Variants in KIF11 observed in about 807,000 individuals in gnomAD.
KIF11 encodes the protein kinesin-like protein KIF11.
KIF11 carries 9 observed loss-of-function variants against 121.0 expected under a neutral mutation model. That is an observed-to-expected ratio of 0.07 (90% CI 0.04 to 0.13). The LOEUF (loss-of-function observed/expected upper bound fraction) is 0.13. Among genes scored for constraint, KIF11 ranks in the 10% least tolerant of loss-of-function variants. The pLI, the probability that KIF11 is intolerant of heterozygous loss-of-function variation, is 1.00. For missense variants in KIF11, 846 were observed against 1,217.5 expected (o/e 0.69, Z 4.54); for synonymous variants, 408 against 421.0 (o/e 0.97, Z 0.38).
intron 17 of KIF11, 51 bp from the exon 18 acceptor site, chr10:92,645,312 C>T: frequency 7.3e-7 from 1 of 1,368,904 alleles, no homozygotes; most frequent in African/African-American, 1.4e-5. Flanking sequence ...AGTTATATAT[C>T]CTTTGAGTCT....
At position 92,649,942 on chromosome 10, in the gene KIF11, A is replaced by G. The variant is rs758447612; in HGVS notation, c.2878A>G (p.Met960Val). 19 of 1,613,454 alleles carry G rather than the reference A, an allele frequency of 1.2e-5. No individual in the cohort carries two copies. The South Asian group carries it at 2.1e-4, about 18-fold the overall frequency. The change falls in exon 20 of 22, where the codon ATG (methionine) becomes GTG (valine). Residue 960 changes from methionine (M) to valine (V), a missense_variant. By Grantham distance (21) the Met-to-Val change is conservative. This residue lies in a region of KIF11 where 492 missense variants were observed against 603.4 expected (regional missense o/e 0.82). Transcript: ENST00000260731. ...QLKRKQPELL[M>V]MLNCSENNKE... is the part of the protein sequence containing the mutation. ...GAAAAGGAAACAGCCTGAGCTGTTAATGATGCTAAACTGTTCAGAAAACAA... is the reference window on the plus strand; with the variant it reads ...GAAAAGGAAACAGCCTGAGCTGTTAGTGATGCTAAACTGTTCAGAAAACAA...
intron 8 of KIF11, among the ~76,000 whole-genome samples, chr10:92,614,285 C>T (rs995258657): frequency 6.6e-6 from 1 of 152,020 alleles, no homozygotes; most frequent in Non-Finnish European, 1.5e-5. Flanking sequence ...TTAGTAGAGA[C>T]GTGGTTTCAC....
chr10:92,628,951 T>C (rs1844706040), intron 11 of KIF11, 56 bp downstream of exon 11: 1 of 955,610 alleles, frequency 1.0e-6, no homozygotes, highest in African/African-American at 1.7e-5. Context: ...TGAAAGAAAA[T>C]TTTAGAATGA....
chr10:92,638,095 A>G (rs1223254893), intron 16 of KIF11, among the ~76,000 whole-genome samples: 1 of 152,238 alleles, frequency 6.6e-6, no homozygotes, highest in Admixed American at 6.5e-5. Flanking sequence ...CCTTCAAACC[A>G]TAATCTGTAA....
Position 92,613,052 on chromosome 10 carries a change from A to G in KIF11, c.711A>G (p.Ser237=), listed in dbSNP as rs990681589. Residue 237 remains serine (S), a synonymous_variant, in exon 7 of 22, where the codon TCA becomes TCG. Transcript: ENST00000260731. This position sits in a 1 kb window ranked among gnomAD's most constrained non-coding sequence, Gnocchi z 4.2. ...TATTGTTTTCTAGTCGTTCCCACTC[A>G]GTTTTCTCTGTTACAATACATATGA... is the stretch of plus-strand genomic sequence containing the variant. ...LMNAYSSRSH[S]VFSVTIHMKE... is the part of the protein sequence containing the mutation. 2 of 1,600,426 alleles carry G rather than the reference A, an allele frequency of 1.2e-6. No individual in the cohort carries two copies. Among genetic ancestry groups the G allele is most frequent in the Non-Finnish European group, 1.7e-6 (2 of 1,170,746 alleles).
intron 1 of KIF11, among the ~76,000 whole-genome samples, chr10:92,595,507 G>T (rs1035243188): frequency 1.3e-5 from 2 of 151,966 alleles, no homozygotes; most frequent in Non-Finnish European, 2.9e-5. Flanking sequence ...TGCGCTACTG[G>T]TTCTCTTTCT....
chr10:92,653,570 TGCC>T, intron 21 of KIF11, 92 bp from the exon 22 acceptor site: 1 of 1,224,080 alleles, frequency 8.2e-7, no homozygotes. Context: ...TAAGTTTTTT[TGCC>T]TATAACCCAG....
At chr10:92,640,315 A>G (rs1183766023) in intron 17 of KIF11, among the ~76,000 whole-genome samples, 1 of 152,234 alleles carries the variant, frequency 6.6e-6, no homozygotes, top group Non-Finnish European at 1.5e-5. Flanking sequence ...CTGCCTTTGC[A>G]CTGCAGTGGC....
chr10:92,651,068 C>G (rs1383780104), intron 21 of KIF11, among the ~76,000 whole-genome samples: 1 of 152,018 alleles, frequency 6.6e-6, no homozygotes, highest in Non-Finnish European at 1.5e-5. Flanking sequence ...ACTGAGTCAC[C>G]CAGGCTGAAG....
chr10:92,602,176 A>AT (rs201929041), intron 1 of KIF11, among the ~76,000 whole-genome samples: 65 of 151,358 alleles, frequency 4.3e-4, no homozygotes, highest in South Asian at 1.7e-3. Flanking sequence ...TTTGTTGAGG[A>AT]TTTTTTTTTA....
chr10:92,626,469 C>G (rs945551718), intron 10 of KIF11, among the ~76,000 whole-genome samples: 4 of 152,216 alleles, frequency 2.6e-5, no homozygotes, highest in East Asian at 1.9e-4. Flanking sequence ...TGTAAAAAAC[C>G]TAGGTGTTTG....
intron 1 of KIF11, among the ~76,000 whole-genome samples, chr10:92,603,391 C>A (rs534246138): frequency 6.4e-4 from 97 of 151,070 alleles, no homozygotes; most frequent in Non-Finnish European, 7.7e-4. Context: ...AGGTGGCTGC[C>A]ACCATGCCTG....
At position 92,628,839 on chromosome 10, in the gene KIF11, G is replaced by A. The variant is rs1452724134; in HGVS notation, c.1249G>A (p.Glu417Lys). The change falls in exon 11 of 22, where the codon GAG becomes AAG. Residue 417 changes from glutamate (E) to lysine (K), a missense_variant. Transcript: ENST00000260731. ...GAGTGGAAAATTAACTGTTCAAGAAGAGCAGATTGTAGAATTGATTGAAAA... is the reference window on the plus strand; with the variant it reads ...GAGTGGAAAATTAACTGTTCAAGAAAAGCAGATTGTAGAATTGATTGAAAA... ...VMSGKLTVQE[E>K]QIVELIEKIG... The A allele has an allele frequency of 1.9e-6, 3 of 1,603,512 alleles. No homozygotes were observed. Among genetic ancestry groups the A allele is most frequent in the Non-Finnish European group, 1.7e-6 (2 of 1,172,354 alleles).
rs750869480 is a variant in KIF11, at chr10:92,632,668, G to A, written c.1677G>A (p.Met559Ile). 5 of 1,610,340 alleles carry A rather than the reference G, an allele frequency of 3.1e-6. No individual in the cohort carries two copies. In the Admixed American group the frequency reaches 5.0e-5, roughly 16 times the overall value. Residue 559 changes from methionine to isoleucine, a missense_variant, in exon 13 of 22, where the codon ATG becomes ATA. This residue lies in a region of KIF11 where 492 missense variants were observed against 603.4 expected (regional missense o/e 0.82). Coordinates refer to ENST00000260731, the MANE Select transcript of KIF11 (RefSeq NM_004523.4). ...ATGGCAGCTCAAAGCAAAAGGCCAT[G>A]CTAGAAGTACATAAGACCTTATTTG... ...IKDGSSKQKAMLEVHKTLFGN... is the reference protein window; with the variant it reads ...IKDGSSKQKAILEVHKTLFGN...
intron 17 of KIF11, 108 bp from the exon 18 acceptor site, chr10:92,645,255 A>G: frequency 1.3e-6 from 1 of 747,532 alleles, no homozygotes; most frequent in Admixed American, 2.9e-5. Flanking sequence ...CTGGAGCCAG[A>G]CTGTCCACGT....
Position 92,593,472 on chromosome 10 carries a change from G to T in KIF11, c.77+20G>T. The T allele has an allele frequency of 1.3e-6, 2 of 1,599,580 alleles. No homozygotes were observed. Among genetic ancestry groups the T allele is most frequent in the Non-Finnish European group, 1.7e-6 (2 of 1,172,902 alleles). ...ATGCAGGTAGGGAGAGGGCTGACAG[G>T]ATTCCGAGCGCTGCGGCTTCGCTGC... On this transcript the variant is annotated intron_variant, in intron 1 of 21. Transcript: ENST00000260731.
At chr10:92,623,281 C>A (rs1844637792) in intron 10 of KIF11, among the ~76,000 whole-genome samples, 1 of 152,088 alleles carries the variant, frequency 6.6e-6, no homozygotes, top group Admixed American at 6.6e-5. Flanking sequence ...CTTTTTAAAG[C>A]CCTGGAGTAA....
Position 92,613,209 on chromosome 10 carries a change from AT to A in KIF11, c.789+84del. The A allele has an allele frequency of 8.1e-7, 1 of 1,237,740 alleles. No homozygotes were observed. Among genetic ancestry groups the A allele is most frequent in the Non-Finnish European group, 1.1e-6 (1 of 879,648 alleles). The allele number at this position is 1,237,740 out of a possible 1,614,324, so 76.7% of individuals were successfully genotyped here. A position where few individuals can be genotyped will look rare whatever the true frequency, so the allele number is the denominator to read the frequency against. ...CTTGAAATTTTGTCCTTGAGACAAA[AT>A]TTTTGTGGTCACTGGGTGATTAGCT... On this transcript the variant is annotated intron_variant, in intron 7 of 21. Coordinates refer to ENST00000260731, the MANE Select transcript of KIF11 (RefSeq NM_004523.4). This position sits in a 1 kb window ranked among gnomAD's most constrained non-coding sequence, Gnocchi z 4.2.
chr10:92,642,864 T>C (rs1844879804), intron 17 of KIF11, among the ~76,000 whole-genome samples: 3 of 152,236 alleles, frequency 2.0e-5, no homozygotes, highest in Non-Finnish European at 4.4e-5. Flanking sequence ...ATAGACAGCA[T>C]GTAGTTGGGT....
Sources: gnomAD v4.1 joint callset for allele counts (sites outside exome capture counted in the v4.1 genomes callset) on GRCh38, gnomAD v4.1.1 for gene constraint, gnomAD v4.1.1 regional missense constraint, Gnocchi (gnomAD v3.1) non-coding constraint, MANE v1.5 for transcripts, NCBI Gene and HGNC (gene_info 2026-07-23, HGNC 2026-07-21) for gene names.